The following WNK2 variants were observed in gnomAD, a reference collection of about 807,000 sequenced individuals.
The protein encoded by WNK2 is WNK lysine deficient protein kinase 2.
A neutral mutation model predicts 192.1 loss-of-function variants in WNK2; 67 were observed. That is an observed-to-expected ratio of 0.35 (90% CI 0.29 to 0.43). The LOEUF (loss-of-function observed/expected upper bound fraction) is 0.43, where lower values mean the gene tolerates loss of function less well. Ranked by LOEUF, WNK2 falls within the 20% of genes least tolerant of loss-of-function variation. The probability of loss-of-function intolerance (pLI) is 1.00; values close to 1 mark genes in which losing one functional copy is unlikely to be tolerated. For synonymous variants in WNK2, 1,439 were observed against 1,393.9 expected (o/e 1.03, Z -0.72); for missense variants, 2,698 against 3,089.7 (o/e 0.87, Z 3.01).
rs1020085756 is a variant in WNK2, at chr9:93,247,241, C to T, written c.1543-302C>T. ...GCCCCTTCCCGTCTGCCACCAGCCC[C>T]GGGGGCGCTGGGAGCTCAGGGAGCC... is the stretch of plus-strand genomic sequence containing the variant. On this transcript the variant is annotated intron_variant, in intron 7 of 29. Coordinates refer to ENST00000427277, the MANE Select transcript of WNK2 (RefSeq NM_006648.4). The surrounding 1 kb of genome is among the most constrained non-coding windows in gnomAD (Gnocchi z 5.2). Among the ~76,000 whole-genome samples the T allele has an allele frequency of 7.2e-5, 11 of 152,184 alleles. No homozygotes were observed. Among genetic ancestry groups the T allele is most frequent in the African/African-American group, 1.2e-4 (5 of 41,444 alleles).
At chr9:93,201,024 C>CTGGGA (rs1832246519) in intron 2 of WNK2, among the ~76,000 whole-genome samples, 1 of 152,152 alleles carries the variant, frequency 6.6e-6, no homozygotes, top group Non-Finnish European at 1.5e-5. Context: ...CTTTCTTTTA[C>CTGGGA]TGGGATGGAT....
intron 19 of WNK2, among the ~76,000 whole-genome samples, chr9:93,288,269 A>G (rs1296016274): frequency 6.6e-6 from 1 of 152,206 alleles, no homozygotes; most frequent in Non-Finnish European, 1.5e-5. Context: ...GCTTCTGACC[A>G]TACCAAAGAC....
chr9:93,230,187 G>A (rs758462256), intron 3 of WNK2, among the ~76,000 whole-genome samples: 4 of 152,104 alleles, frequency 2.6e-5, no homozygotes, highest in Non-Finnish European at 4.4e-5. Flanking sequence ...ATGTGGAGGT[G>A]GTTAGTGAGG....
At position 93,267,741 on chromosome 9, in the gene WNK2, T is replaced by C; in HGVS notation, c.3697-5T>C. On this transcript the variant is annotated splice_region_variant and splice_polypyrimidine_tract_variant and intron_variant, in intron 16 of 29. Transcript: ENST00000427277. Reference sequence around the variant, plus strand: ...GGTCCTCACTGGCAGTATGTCCCTTTGCAGGTGGAGCATGACTTTATCCTG... The same window carrying C: ...GGTCCTCACTGGCAGTATGTCCCTTCGCAGGTGGAGCATGACTTTATCCTG... 1 of 1,581,380 alleles carries C rather than the reference T, an allele frequency of 6.3e-7. No homozygotes were observed. Among genetic ancestry groups the C allele is most frequent in the South Asian group, 1.2e-5 (1 of 86,030 alleles).
intron 8 of WNK2, among the ~76,000 whole-genome samples, chr9:93,250,175 C>G (rs900894741): frequency 6.6e-6 from 1 of 151,964 alleles, no homozygotes; most frequent in Non-Finnish European, 1.5e-5. Flanking sequence ...ACATAGAACA[C>G]ACACACAAAT....
At chr9:93,307,095 G>T in intron 27 of WNK2, 2 of 525,388 alleles carry the variant, frequency 3.8e-6, no homozygotes, top group Non-Finnish European at 6.8e-6. Context: ...CCCGCAAATT[G>T]CCGATCATTA....
intron 28 of WNK2, among the ~76,000 whole-genome samples, chr9:93,313,137 A>G (rs1853971991): frequency 6.6e-6 from 1 of 152,098 alleles, no homozygotes; most frequent in South Asian, 2.1e-4. Context: ...GGCTTCCTTC[A>G]GTTCTTCGAG....
rs578035612 is a variant in WNK2, at chr9:93,268,064, C to G, written c.3912C>G (p.Asn1304Lys). The G allele has an allele frequency of 6.2e-7, 1 of 1,610,158 alleles. No homozygotes were observed. The highest frequency in any genetic ancestry group is 1.7e-5 in the Admixed American group (1 of 59,616). ...CCAACGCCCCCGTGTATCAGCAGAA[C>G]GGTGAGTCTGCAACTTCCCTCCCTG... Reference protein sequence around the residue: ...SQANAPVYQQNVLHTGKRWFI... With the variant: ...SQANAPVYQQKVLHTGKRWFI... The change falls in exon 18 of 30, where the codon AAC becomes AAG. Residue 1304 changes from asparagine to lysine, a missense_variant and splice_region_variant. By Grantham distance (94) the Asn-to-Lys change is moderately conservative (BLOSUM62 0). Around this residue, in one of 7 missense-constraint regions of WNK2, gnomAD observed 1,098 missense variants for 1,101.0 expected, o/e 1.00. Coordinates refer to ENST00000427277, the MANE Select transcript of WNK2 (RefSeq NM_006648.4).
intron 19 of WNK2, among the ~76,000 whole-genome samples, chr9:93,269,545 AG>A (rs1287394198): frequency 3.9e-5 from 6 of 152,240 alleles, no homozygotes; most frequent in Non-Finnish European, 7.3e-5. Flanking sequence ...TCTCAGGTAA[AG>A]GGCTTGGCCT....
chr9:93,191,010 A>G (rs10821086), intron 2 of WNK2, among the ~76,000 whole-genome samples: 69,844 of 151,892 alleles, frequency 0.46, 17,160 homozygotes, highest in East Asian at 0.56. Context: ...GAGGTGCAAG[A>G]TGGGGCCTGC....
rs779642895 is a variant in WNK2, at chr9:93,231,141, G to T, written c.1075+33G>T. On this transcript the variant is annotated intron_variant, in intron 4 of 29. Transcript: ENST00000427277. Reference sequence around the variant, plus strand: ...TGCTTCTCCTCCCCAGGCCCTTGGAGCCCATGAGAAGCTGGGCAGCAGTGA... The same window carrying T: ...TGCTTCTCCTCCCCAGGCCCTTGGATCCCATGAGAAGCTGGGCAGCAGTGA... The T allele has an allele frequency of 1.9e-6, 3 of 1,602,106 alleles. No homozygotes were observed. In the East Asian group the frequency reaches 6.7e-5, roughly 36 times the overall value.
chr9:93,265,410 G>A (rs1034223702), intron 16 of WNK2, among the ~76,000 whole-genome samples: 1 of 152,186 alleles, frequency 6.6e-6, no homozygotes, highest in East Asian at 1.9e-4. Flanking sequence ...ACAAAGGCTG[G>A]GAATTCTTTC....
rs1563997045 is a variant in WNK2 at position 93,211,212 on chromosome 9, A to ACTTGCTC, written c.682-18484_682-18483insCTTGCTC. 3.6e-4 allele frequency among the ~76,000 whole-genome samples: 54 copies of ACTTGCTC among 150,670 alleles called. 5 individuals are homozygous for ACTTGCTC. Among genetic ancestry groups the ACTTGCTC allele is most frequent in the African/African-American group, 1.2e-3 (49 of 40,602 alleles). On this transcript the variant is annotated intron_variant, in intron 2 of 29. Transcript: ENST00000427277. ...CACACACTCACACATTTACTCATTC[A>ACTTGCTC]ATCACTCATCCACTCACTCACTCAC...
Position 93,229,882 on chromosome 9 carries a change from C to T in WNK2, c.854+14C>T, listed in dbSNP as rs769681072. On this transcript the variant is annotated intron_variant, in intron 3 of 29. Coordinates refer to ENST00000427277, the MANE Select transcript of WNK2 (RefSeq NM_006648.4). The surrounding 1 kb of genome is among the most constrained non-coding windows in gnomAD (Gnocchi z 4.9). ...GACGCTGAAGACGTAAGCTCCGCTT[C>T]CTGAGGGCTGGGGCGGGTCCTGGCA... 1.2e-6 allele frequency: 2 copies of T among 1,610,952 alleles called. No homozygotes were observed. Among genetic ancestry groups the T allele is most frequent in the East Asian group, 2.2e-5 (1 of 44,796 alleles).
At chr9:93,222,159 C>T (rs12236904) in intron 2 of WNK2, among the ~76,000 whole-genome samples, 43,464 of 151,780 alleles carry the variant, frequency 0.29, 7,812 homozygotes, top group East Asian at 0.4. Context: ...TCCCCTGCTC[C>T]CTCTGCCCCT....
At position 93,223,901 on chromosome 9, in the gene WNK2, TC is replaced by T. The variant is rs201859463; in HGVS notation, c.682-5792del. ...AGTCTCATGCTGTCTTCCCAGTGTG[TC>T]CCTGTGGATATCATGGCTTTTGGGT... On this transcript the variant is annotated intron_variant, in intron 2 of 29. Coordinates refer to ENST00000427277, the MANE Select transcript of WNK2 (RefSeq NM_006648.4). Among the ~76,000 whole-genome samples the T allele has an allele frequency of 5.3e-3, 809 of 152,316 alleles. 6 individuals carry two copies. The highest frequency in any genetic ancestry group is 0.018 in the African/African-American group (760 of 41,570).
At position 93,258,936 on chromosome 9, in the gene WNK2, C is replaced by G. The variant is rs747995221; in HGVS notation, c.2388C>G (p.Pro796=). Residue 796 remains proline, a synonymous_variant, in exon 12 of 30, where the codon CCC becomes CCG. Coordinates refer to ENST00000427277, the MANE Select transcript of WNK2 (RefSeq NM_006648.4). Reference sequence around the variant, plus strand: ...CACTCCTGTGTCTCTTTCAGATGCCCCCGATTCCTGTTGTGCCCCCCATCA... The same window carrying G: ...CACTCCTGTGTCTCTTTCAGATGCCGCCGATTCCTGTTGTGCCCCCCATCA... ...QPLAQVPPQM[P]PIPVVPPITP... 3 of 1,611,058 alleles carry G rather than the reference C, an allele frequency of 1.9e-6. No homozygotes were observed. The Admixed American group carries it at 5.0e-5, about 27-fold the overall frequency.
Position 93,247,230 on chromosome 9 carries a change from GC to G in WNK2, c.1543-311del, listed in dbSNP as rs1449892282. ...GACAATCAGGAGCCCCTTCCCGTCT[GC>G]CACCAGCCCCGGGGGCGCTGGGAGC... On this transcript the variant is annotated intron_variant, in intron 7 of 29. Transcript: ENST00000427277. The surrounding 1 kb of genome is among the most constrained non-coding windows in gnomAD (Gnocchi z 5.2). Among the ~76,000 whole-genome samples the G allele has an allele frequency of 2.0e-5, 3 of 152,206 alleles. No individual in the cohort carries two copies. Among genetic ancestry groups the G allele is most frequent in the Non-Finnish European group, 2.9e-5 (2 of 68,034 alleles).
intron 21 of WNK2, among the ~76,000 whole-genome samples, 153 bp from the exon 22 acceptor site, chr9:93,292,155 A>G (rs541411677): frequency 6.6e-6 from 1 of 152,302 alleles, no homozygotes; most frequent in Non-Finnish European, 1.5e-5. Context: ...GGAGGAGCAC[A>G]CACAGCTGGC....
Sources: allele counts gnomAD v4.1 joint callset (sites outside exome capture counted in the v4.1 genomes callset), GRCh38; gene constraint gnomAD v4.1.1; regional missense constraint gnomAD v4.1.1; non-coding constraint Gnocchi (gnomAD v3.1); transcripts MANE v1.5; gene names NCBI Gene and HGNC (gene_info 2026-07-23, HGNC 2026-07-21).